Variants in KAZN observed in about 807,000 individuals in gnomAD.
KAZN encodes the protein kazrin, periplakin interacting protein, also known as kazrin.
A neutral mutation model predicts 87.4 loss-of-function variants in KAZN; 40 were observed. That is an observed-to-expected ratio of 0.46 (90% confidence interval 0.36 to 0.60). The LOEUF (loss-of-function observed/expected upper bound fraction) is 0.60, where lower values mean the gene tolerates loss of function less well. Among genes scored for constraint, KAZN ranks in the 20% least tolerant of loss-of-function variants. The pLI is 0.00. For synonymous variants in KAZN, 466 were observed against 458.3 expected, an observed-to-expected ratio of 1.02 and a Z score of -0.22; for missense variants, 898 against 1,073.9, an observed-to-expected ratio of 0.84 and a Z score of 2.29.
At position 14,959,550 on chromosome 1, in the gene KAZN, G is replaced by A. The variant is rs144700486; in HGVS notation, c.227-1134G>A. ...AGTGTGCGGAGGGTGGGGGCGGCCC[G>A]GTGACCAGCATGCGGCTGGTGAGTG... On this transcript the variant is annotated intron_variant, in intron 1 of 14. Transcript: ENST00000376030. Among the ~76,000 whole-genome samples the A allele has an allele frequency of 2.9e-3, 442 of 152,278 alleles. 4 individuals are homozygous for A. The highest frequency in any genetic ancestry group is 9.9e-3 in the African/African-American group (411 of 41,548).
chr1:14,977,077 CA>C (rs892388659), intron 2 of KAZN, among the ~76,000 whole-genome samples: 1 of 152,054 alleles, frequency 6.6e-6, no homozygotes, highest in Non-Finnish European at 1.5e-5. Context: ...AACAAACAAA[CA>C]AACAAAAAAC....
intron 2 of KAZN, among the ~76,000 whole-genome samples, chr1:14,328,266 TAAG>T (rs994637465): frequency 1.3e-5 from 2 of 152,210 alleles, no homozygotes; most frequent in Admixed American, 6.5e-5. Flanking sequence ...TGTGTGAATT[TAAG>T]AAGAGATATA....
chr1:14,707,019 T>C (rs1642247311), intron 1 of KAZN, among the ~76,000 whole-genome samples: 1 of 152,192 alleles, frequency 6.6e-6, no homozygotes, highest in Non-Finnish European at 1.5e-5. Flanking sequence ...CCCGGAAACT[T>C]CAGAGGCCAC....
At chr1:13,945,271 C>T (rs138801347) in intron 1 of KAZN, among the ~76,000 whole-genome samples, 17 of 151,658 alleles carry the variant, frequency 1.1e-4, no homozygotes, top group African/African-American at 3.1e-4. Flanking sequence ...GTAAGAAGTT[C>T]GAGACCAGCC....
rs114644550 is a variant in KAZN at position 14,419,775 on chromosome 1, C to T, written c.250-179208C>T. On this transcript the variant is annotated intron_variant, in intron 2 of 16. Coordinates refer to the KAZN transcript ENST00000636203. ...GGCGGTGCGTCTGGTGTTGTTTGTC[C>T]CTCCCATCCGGAGTTGTTCATTCCT... Among the ~76,000 whole-genome samples, 433 of 151,904 alleles carry T rather than the reference C, an allele frequency of 2.9e-3. 3 individuals are homozygous for T. The highest frequency in any genetic ancestry group is 9.7e-3 in the African/African-American group (401 of 41,430).
In KAZN at chr1:14,757,926, A is replaced by G. The variant is rs74061338; in HGVS notation, c.226+158703A>G. ...GGAGGGAGGAAAGAGAGAGGGAGGAATACGTTTTGGTTAACAGTGACCCCA... is the reference window on the plus strand; with the variant it reads ...GGAGGGAGGAAAGAGAGAGGGAGGAGTACGTTTTGGTTAACAGTGACCCCA... On this transcript the variant is annotated intron_variant, in intron 1 of 14. Coordinates refer to ENST00000376030, the MANE Select transcript of KAZN (RefSeq NM_201628.3). Among the ~76,000 whole-genome samples the G allele has an allele frequency of 7.7e-3, 1,172 of 152,256 alleles. 10 individuals are homozygous for G. Among genetic ancestry groups the G allele is most frequent in the African/African-American group, 0.027 (1,129 of 41,550 alleles).
intron 1 of KAZN, among the ~76,000 whole-genome samples, chr1:14,683,249 T>G (rs1640775813): frequency 6.6e-6 from 1 of 152,066 alleles, no homozygotes; most frequent in Non-Finnish European, 1.5e-5. Context: ...GCTCCAGAAG[T>G]GCAAGGAAAC....
intron 2 of KAZN, among the ~76,000 whole-genome samples, chr1:14,576,749 T>G (rs1222057271): frequency 6.6e-6 from 1 of 152,204 alleles, no homozygotes; most frequent in African/African-American, 2.4e-5. Context: ...TCTGCAGGTG[T>G]TGCTTATGAA....
chr1:14,749,920 G>A (rs962701546), intron 1 of KAZN, among the ~76,000 whole-genome samples: 1 of 152,080 alleles, frequency 6.6e-6, no homozygotes, highest in Non-Finnish European at 1.5e-5. Flanking sequence ...GGACCCAAAT[G>A]AGGTCATAGT....
intron 2 of KAZN, among the ~76,000 whole-genome samples, chr1:14,562,822 A>G (rs1367744556): frequency 6.6e-6 from 1 of 152,234 alleles, no homozygotes; most frequent in Non-Finnish European, 1.5e-5. Flanking sequence ...ACACATCCAC[A>G]TGGCAGTGCC....
chr1:14,957,684 G>C (rs915264341), intron 1 of KAZN, among the ~76,000 whole-genome samples: 1 of 152,204 alleles, frequency 6.6e-6, no homozygotes, highest in Non-Finnish European at 1.5e-5. Flanking sequence ...ATGAAGAGGG[G>C]AGACGAGCTC....
intron 2 of KAZN, among the ~76,000 whole-genome samples, chr1:14,261,095 G>T (rs1383297513): frequency 6.6e-6 from 1 of 152,186 alleles, no homozygotes; most frequent in East Asian, 1.9e-4. Context: ...GCAAGAAGTT[G>T]TGGAACTATT....
At chr1:13,970,085 C>T (rs1440047524) in intron 1 of KAZN, among the ~76,000 whole-genome samples, 2 of 152,160 alleles carry the variant, frequency 1.3e-5, no homozygotes, top group Non-Finnish European at 2.9e-5. Context: ...ATTCCTGCAC[C>T]TTCGTCACTC....
At chr1:14,701,280 C>G (rs890556587) in intron 1 of KAZN, among the ~76,000 whole-genome samples, 2 of 152,144 alleles carry the variant, frequency 1.3e-5, no homozygotes, top group Admixed American at 1.3e-4. Flanking sequence ...GCCACCATGC[C>G]TGGCTAATTT....
chr1:13,941,207 AC>A (rs1294905973), intron 1 of KAZN, among the ~76,000 whole-genome samples: 1 of 151,998 alleles, frequency 6.6e-6, no homozygotes, highest in African/African-American at 2.4e-5. Context: ...AACAACAACA[AC>A]AAAAAAAAAA....
At chr1:14,545,056 G>GT (rs1673056948) in intron 2 of KAZN, among the ~76,000 whole-genome samples, 1 of 152,092 alleles carries the variant, frequency 6.6e-6, no homozygotes, top group African/African-American at 2.4e-5. Flanking sequence ...CAATAAACTT[G>GT]GAACCAAACT....
intron 1 of KAZN, among the ~76,000 whole-genome samples, chr1:14,901,109 A>G (rs537055296): frequency 6.6e-6 from 1 of 152,320 alleles, no homozygotes; most frequent in East Asian, 1.9e-4. Flanking sequence ...AAATGATCTC[A>G]GGGAAGCATC....
intron 2 of KAZN, among the ~76,000 whole-genome samples, chr1:14,230,639 T>G (rs1006279831): frequency 6.6e-6 from 1 of 152,170 alleles, no homozygotes; most frequent in African/African-American, 2.4e-5. Flanking sequence ...TAGAACAAGT[T>G]TCTTAGTGCA....
At chr1:14,904,152 C>A (rs1024321051) in intron 1 of KAZN, among the ~76,000 whole-genome samples, 1 of 152,136 alleles carries the variant, frequency 6.6e-6, no homozygotes, top group East Asian at 1.9e-4. Context: ...AGTTGTATGG[C>A]CTGTTATGGA....
Sources: allele counts gnomAD v4.1 joint callset (sites outside exome capture counted in the v4.1 genomes callset), GRCh38; gene constraint gnomAD v4.1.1; transcripts MANE v1.5; gene names NCBI Gene and HGNC (gene_info 2026-07-23, HGNC 2026-07-21).